The following UAP1 variants were observed in gnomAD, a reference collection of about 807,000 sequenced individuals.
UAP1 encodes the protein UDP-N-acetylhexosamine pyrophosphorylase.
Under a neutral mutation model 58.5 loss-of-function variants are expected in UAP1, and 25 were observed. The observed-to-expected ratio is 0.43, with a 90% confidence interval of 0.31 to 0.60. The LOEUF (loss-of-function observed/expected upper bound fraction) is 0.60. UAP1 is among the 20% of genes least tolerant of loss of function. The pLI, the probability that UAP1 is intolerant of heterozygous loss-of-function variation, is 0.11. For missense variants in UAP1, 575 were observed against 630.0 expected (o/e 0.91, Z 0.93); for synonymous variants, 208 against 213.0 (o/e 0.98, Z 0.21).
exon 3 of UAP1, chr1:162,576,792 C>G (rs1485662534): frequency 6.2e-7 from 1 of 1,613,820 alleles, no homozygotes; most frequent in Admixed American, 1.7e-5. Flanking sequence ...TTCCAGATTT[C>G]TCAGAATAAA....
At chr1:162,585,590 A>C (rs1214289294) in intron 5 of UAP1, among the ~76,000 whole-genome samples, 1 of 152,220 alleles carries the variant, frequency 6.6e-6, no homozygotes, top group Non-Finnish European at 1.5e-5. Context: ...TGTATAATAT[A>C]AATGGATTCC....
At chr1:162,597,726 G>C in intron 9 of UAP1, 66 bp from the exon 10 acceptor site, 1 of 1,350,202 alleles carries the variant, frequency 7.4e-7, no homozygotes, top group Non-Finnish European at 1.0e-6. Flanking sequence ...GTTATGGTTT[G>C]TACTTTTGCT....
intron 5 of UAP1, among the ~76,000 whole-genome samples, chr1:162,584,608 G>T (rs1654796476): frequency 6.6e-6 from 1 of 152,034 alleles, no homozygotes; most frequent in African/African-American, 2.4e-5. Flanking sequence ...TCAGCCTCCT[G>T]AGTAGCTGAG....
At chr1:162,565,693 G>A (rs1210523290) in intron 1 of UAP1, among the ~76,000 whole-genome samples, 2 of 152,138 alleles carry the variant, frequency 1.3e-5, no homozygotes, top group African/African-American at 4.8e-5. Flanking sequence ...GGCTGCCTGG[G>A]TTCCTGTCCC....
At position 162,576,980 on chromosome 1, in the gene UAP1, TGGTAA is replaced by T. The variant is rs765368565; in HGVS notation, c.485+1_485+5del. 1 of 1,613,790 alleles carries T rather than the reference TGGTAA, an allele frequency of 6.2e-7. No individual in the cohort carries two copies. The highest frequency in any genetic ancestry group is 8.5e-7 in the Non-Finnish European group (1 of 1,179,690). ...TTATGGCAACAAATGCATTATTCCA[TGGTAA>T]GATACGTCTCATTATTGGAGTGTGT... is the stretch of plus-strand genomic sequence containing the variant. On this transcript the variant is annotated splice_donor_variant and splice_donor_region_variant and coding_sequence_variant and intron_variant, in exon 3 of 11. Transcript: ENST00000271469. LOFTEE classifies it high-confidence loss of function.
intron 4 of UAP1, among the ~76,000 whole-genome samples, chr1:162,580,577 A>G (rs1005370870): frequency 1.6e-4 from 25 of 152,244 alleles, no homozygotes; most frequent in Non-Finnish European, 3.2e-4. Context: ...CTTGGAGGAA[A>G]GGCTGAAAAG....
chr1:162,576,372 T>G (rs145914308), intron 2 of UAP1, among the ~76,000 whole-genome samples: 92 of 152,352 alleles, frequency 6.0e-4, no homozygotes, highest in African/African-American at 2.1e-3. Context: ...GGTTCTTACC[T>G]CCTGACATTA....
chr1:162,576,728 A>G lies in UAP1; in HGVS notation c.281-49A>G, dbSNP rs143899969. 46 of 1,519,400 alleles carry G rather than the reference A, an allele frequency of 3.0e-5. No individual in the cohort carries two copies. The African/African-American group carries it at 5.0e-4, about 16-fold the overall frequency. The allele number at this position is 1,519,400 out of a possible 1,614,324, so 94.1% of individuals were successfully genotyped here. A position where few individuals can be genotyped will look rare whatever the true frequency, so the allele number is the denominator to read the frequency against. On this transcript the variant is annotated intron_variant, in intron 2 of 10. Coordinates refer to ENST00000271469, the Ensembl canonical transcript of UAP1. ...CTGCTACCTATGTATATTTAATACT[A>G]AAGTGTTGAATTGTAGAGGTTTTGT...
chr1:162,584,874 G>A (rs1654811120), intron 5 of UAP1, among the ~76,000 whole-genome samples: 1 of 152,176 alleles, frequency 6.6e-6, no homozygotes, highest in Non-Finnish European at 1.5e-5. Flanking sequence ...GAGGTAGTTT[G>A]CAAAAGTACA....
intron 2 of UAP1, among the ~76,000 whole-genome samples, chr1:162,569,015 C>T (rs1373637024): frequency 1.3e-5 from 2 of 152,166 alleles, no homozygotes; most frequent in Non-Finnish European, 2.9e-5. Context: ...TTCCTTTTGG[C>T]TTAGTGTCAA....
At chr1:162,596,690 T>C (rs1192639082) in intron 9 of UAP1, among the ~76,000 whole-genome samples, 4 of 152,286 alleles carry the variant, frequency 2.6e-5, no homozygotes, top group African/African-American at 9.6e-5. Flanking sequence ...GAGAGTGCTT[T>C]GAATGCTAGA....
chr1:162,566,232 G>A (rs1309009989), exon 2 of UAP1: 6 of 1,614,018 alleles, frequency 3.7e-6, no homozygotes, highest in Non-Finnish European at 3.4e-6. Flanking sequence ...GCCATTGAAG[G>A]TTTTAACCAG....
At chr1:162,566,055 G>T (rs1304179904) in exon 2 of UAP1, 2 of 1,606,594 alleles carry the variant, frequency 1.2e-6, no homozygotes, top group Non-Finnish European at 8.5e-7. Context: ...ACAAAGCTTG[G>T]CTATTAGAGC....
chr1:162,568,087 C>T (rs1481881447), intron 2 of UAP1, among the ~76,000 whole-genome samples: 1 of 152,156 alleles, frequency 6.6e-6, no homozygotes, highest in Non-Finnish European at 1.5e-5. Context: ...TATGAGCCAC[C>T]GTGCCCGGGC....
At chr1:162,578,366 T>TA (rs1654345213) in intron 3 of UAP1, among the ~76,000 whole-genome samples, 1 of 152,230 alleles carries the variant, frequency 6.6e-6, no homozygotes, top group Non-Finnish European at 1.5e-5. Context: ...TCTCTGGACT[T>TA]ACAATCTATT....
chr1:162,596,204 C>A (rs1655609806), intron 9 of UAP1, among the ~76,000 whole-genome samples: 1 of 151,824 alleles, frequency 6.6e-6, no homozygotes, highest in Admixed American at 6.6e-5. Context: ...GAGACAGAGT[C>A]TCGCTCTGTC....
chr1:162,600,816 G>C (rs1444072709), downstream of UAP1, among the ~76,000 whole-genome samples: 1 of 151,996 alleles, frequency 6.6e-6, no homozygotes, highest in Non-Finnish European at 1.5e-5. Context: ...AGTGAAGTTT[G>C]ACTTCTCATT....
intron 5 of UAP1, among the ~76,000 whole-genome samples, chr1:162,587,001 C>A (rs1296566546): frequency 6.6e-6 from 1 of 152,028 alleles, no homozygotes; most frequent in African/African-American, 2.4e-5. Flanking sequence ...TAAAGAAATG[C>A]TTTTTTCAAA....
chr1:162,590,346 T>C (rs1344920438), exon 8 of UAP1: 2 of 1,612,610 alleles, frequency 1.2e-6, no homozygotes, highest in Non-Finnish European at 1.7e-6. Context: ...TATGAAGTAT[T>C]GCGAGAAGAT....
Sources: allele counts gnomAD v4.1 joint callset (sites outside exome capture counted in the v4.1 genomes callset), GRCh38; gene constraint gnomAD v4.1.1; transcripts MANE v1.5; gene names NCBI Gene and HGNC (gene_info 2026-07-23, HGNC 2026-07-21).